The following KMT2A variants were observed in gnomAD, a reference collection of about 807,000 sequenced individuals.
KMT2A encodes lysine methyltransferase 2A, also known as histone-lysine N-methyltransferase 2A.
KMT2A carries 16 observed loss-of-function variants against 345.3 expected under a neutral mutation model. The ratio of observed to expected loss-of-function variants is 0.05; its 90% confidence interval spans 0.03 to 0.07. The LOEUF (loss-of-function observed/expected upper bound fraction) is 0.07, where lower values mean the gene tolerates loss of function less well. KMT2A is among the 10% of genes least tolerant of loss of function. The pLI is 1.00. For synonymous variants in KMT2A, 1,599 were observed against 1,778.6 expected, an observed-to-expected ratio of 0.90 and a Z score of 2.54; for missense variants, 3,272 against 4,841.6, an observed-to-expected ratio of 0.68 and a Z score of 9.62.
In KMT2A at chr11:118,494,537, T is replaced by C; in HGVS notation, c.5289+139T>C. 1.2e-6 allele frequency: 1 copy of C among 831,558 alleles called. No individual in the cohort carries two copies. The highest frequency in any genetic ancestry group is 1.7e-5 in the South Asian group (1 of 59,678). 51.5% of individuals were successfully genotyped at this position (831,558 alleles called of 1,614,324 possible). On this transcript the variant is annotated intron_variant, in intron 17 of 35. Coordinates refer to ENST00000534358, the MANE Select transcript of KMT2A (RefSeq NM_001197104.2). This position sits in a 1 kb window ranked among gnomAD's most constrained non-coding sequence, Gnocchi z 5.8. The stretch of plus-strand genomic sequence containing the variant: ...TTGGTTTAATTTGATCCCCTGATTC[T>C]TTGAGAGGAACTTGGTGAGGTTGCC...
In KMT2A at chr11:118,474,023, C is replaced by G. The variant is rs1555036780; in HGVS notation, c.2864C>G (p.Ala955Gly). The G allele has an allele frequency of 1.2e-6, 2 of 1,613,620 alleles. No homozygotes were observed. The highest frequency in any genetic ancestry group is 1.7e-6 in the Non-Finnish European group (2 of 1,179,900). Residue 955 changes from alanine to glycine, a missense_variant, in exon 3 of 36, where the codon GCT becomes GGT. Coordinates refer to ENST00000534358, the MANE Select transcript of KMT2A (RefSeq NM_001197104.2). ...ITSVTLGDTT[A>G]VKTKILIKKG... ...TCTGTGACTCTTGGGGATACAACAG[C>G]TGTCAAAACCAAAATACTTATAAAG...
intron 1 of KMT2A, among the ~76,000 whole-genome samples, chr11:118,456,772 G>A (rs572129912): frequency 4.1e-4 from 62 of 152,276 alleles, no homozygotes; most frequent in African/African-American, 1.4e-3. Context: ...CATTGAGTCA[G>A]ATGTGTTTTC....
At position 118,488,867 on chromosome 11, in the gene KMT2A, G is replaced by T. The variant is rs1048664265; in HGVS notation, c.4479+107G>T. ...GAATGTATCTGGGAAAAAATGAGTA[G>T]TTGCCTCTGTACTCTATGTGAACAG... is the stretch of plus-strand genomic sequence containing the variant. On this transcript the variant is annotated intron_variant, in intron 11 of 35. Transcript: ENST00000534358. The T allele has an allele frequency of 3.2e-5, 30 of 935,652 alleles. No individual in the cohort carries two copies. The African/African-American group carries it at 5.0e-4, about 16-fold the overall frequency. 58.0% of individuals were successfully genotyped at this position (935,652 alleles called of 1,614,324 possible). A position where few individuals can be genotyped will look rare whatever the true frequency, so the allele number is the denominator to read the frequency against.
rs1306214776 is a variant in KMT2A at position 118,523,486 on chromosome 11, A to G, written c.*1314A>G. 4 of 224,320 alleles carry G rather than the reference A, an allele frequency of 1.8e-5. No homozygotes were observed. Among genetic ancestry groups the G allele is most frequent in the African/African-American group, 6.7e-5 (3 of 44,828 alleles). The allele number at this position is 224,320 out of a possible 1,614,324, so 13.9% of individuals were successfully genotyped here. A position where few individuals can be genotyped will look rare whatever the true frequency, so the allele number is the denominator to read the frequency against. Reference sequence around the variant, plus strand: ...AATGTTTCTTCTCTTCCTTTCCCCAAGACAGAGTCCTGAACCTGTTAAATT... The same window carrying G: ...AATGTTTCTTCTCTTCCTTTCCCCAGGACAGAGTCCTGAACCTGTTAAATT... On this transcript the variant is annotated 3_prime_UTR_variant, in exon 36 of 36. Transcript: ENST00000534358.
At position 118,490,548 on chromosome 11, in the gene KMT2A, G is replaced by A. The variant is rs572121925; in HGVS notation, c.4696+299G>A. On this transcript the variant is annotated intron_variant, in intron 13 of 35. Coordinates refer to ENST00000534358, the MANE Select transcript of KMT2A (RefSeq NM_001197104.2). This position sits in a 1 kb window ranked among gnomAD's most constrained non-coding sequence, Gnocchi z 4.2. Reference sequence around the variant, plus strand: ...GATTATTTCAGACATTATTTTAGTTGCTACCCAAACATTTTCTTTCAGTAG... The same window carrying A: ...GATTATTTCAGACATTATTTTAGTTACTACCCAAACATTTTCTTTCAGTAG... Among the ~76,000 whole-genome samples, 18 of 151,864 alleles carry A rather than the reference G, an allele frequency of 1.2e-4. No individual in the cohort carries two copies. The highest frequency in any genetic ancestry group is 2.4e-4 in the Non-Finnish European group (16 of 67,988).
chr11:118,468,869 C>A, intron 2 of KMT2A, 25 bp downstream of exon 2: 3 of 1,591,930 alleles, frequency 1.9e-6, no homozygotes, highest in Non-Finnish European at 1.7e-6. Context: ...GTGCATGGTG[C>A]CTTTTAAGTT....
chr11:118,499,485 G>A (rs1950464263), intron 23 of KMT2A, 65 bp downstream of exon 23: 2 of 1,053,948 alleles, frequency 1.9e-6, no homozygotes, highest in Non-Finnish European at 3.0e-6. Flanking sequence ...CTGGTCCTCA[G>A]TTATAAAATG....
chr11:118,517,811 G>T (rs1555052031), intron 31 of KMT2A, among the ~76,000 whole-genome samples: 2 of 152,216 alleles, frequency 1.3e-5, no homozygotes, highest in Admixed American at 6.5e-5. Context: ...CTGCACTCCA[G>T]CCTGGGCAAC....
chr11:118,505,430 A>G lies in KMT2A; in HGVS notation c.9538A>G (p.Ile3180Val). ...TACTCAAAGTAGTTTCCCACCAAAC[A>G]TCAGCAATCCTCCTTCAGGCCTGCT... ...AATQSSFPPN[I>V]SNPPSGLLIG... Residue 3180 changes from isoleucine to valine, a missense_variant, in exon 27 of 36, where the codon ATC (isoleucine) becomes GTC (valine). Physicochemically the swap from Ile to Val is conservative, Grantham distance 29. Around this residue, in one of 27 missense-constraint regions of KMT2A, gnomAD observed 748 missense variants for 922.2 expected, o/e 0.81. Coordinates refer to ENST00000534358, the MANE Select transcript of KMT2A (RefSeq NM_001197104.2). The surrounding 1 kb of genome is among the most constrained non-coding windows in gnomAD (Gnocchi z 4.6). The G allele has an allele frequency of 1.2e-6, 2 of 1,614,194 alleles. No homozygotes were observed. The highest frequency in any genetic ancestry group is 1.7e-6 in the Non-Finnish European group (2 of 1,180,030).
rs1180175783 is a variant in KMT2A, at chr11:118,499,450, G to C, written c.6079+30G>C. On this transcript the variant is annotated intron_variant, in intron 23 of 35. Transcript: ENST00000534358. ...GACCTAGCCTTGGTTATTGGGGAAG[G>C]CTGTATATATCATTGGGGAAATTTC... The C allele has an allele frequency of 3.7e-6, 5 of 1,354,602 alleles. No homozygotes were observed. The East Asian group carries it at 9.2e-5, about 25-fold the overall frequency. 83.9% of individuals were successfully genotyped at this position (1,354,602 alleles called of 1,614,324 possible).
chr11:118,481,334 G>A (rs1555039109), intron 6 of KMT2A, among the ~76,000 whole-genome samples: 1 of 152,072 alleles, frequency 6.6e-6, no homozygotes, highest in Middle Eastern at 3.2e-3. Flanking sequence ...TCCCACAAAT[G>A]AGTGAGAGCA....
At position 118,488,594 on chromosome 11, in the gene KMT2A, T is replaced by G. The variant is rs782556267; in HGVS notation, c.4333-20T>G. The G allele has an allele frequency of 1.3e-5, 21 of 1,612,378 alleles. No homozygotes were observed. In the East Asian group the frequency reaches 4.7e-4, roughly 36 times the overall value. On this transcript the variant is annotated intron_variant, in intron 10 of 35. Transcript: ENST00000534358. ...ACATATTATTTGACATACTTCTATC[T>G]TCCCATGTTCTTACTATAGTTTGTG...
At chr11:118,512,383 T>C (rs1950707206) in intron 31 of KMT2A, 1 of 241,898 alleles carries the variant, frequency 4.1e-6, no homozygotes, top group South Asian at 8.4e-5. Flanking sequence ...AATCAGACAA[T>C]ATGTAGCCTT....
In KMT2A at chr11:118,495,005, C is replaced by T. The variant is rs1223105463; in HGVS notation, c.5363+238C>T. ...GCTTGGTTTAATTGTGACAAATGTA[C>T]AATACATGTGTGGTACAGCCATGTA... On this transcript the variant is annotated intron_variant, in intron 18 of 35. Transcript: ENST00000534358. The surrounding 1 kb of genome is among the most constrained non-coding windows in gnomAD (Gnocchi z 4.1). 6.6e-6 allele frequency among the ~76,000 whole-genome samples: 1 copy of T among 152,112 alleles called. No homozygotes were observed. Among genetic ancestry groups the T allele is most frequent in the Non-Finnish European group, 1.5e-5 (1 of 68,018 alleles).
intron 1 of KMT2A, among the ~76,000 whole-genome samples, chr11:118,437,675 T>TCC (rs145193113): frequency 5.3e-4 from 76 of 144,080 alleles, no homozygotes; most frequent in Admixed American, 6.9e-4. Context: ...AGCAGTCTCT[T>TCC]CCCCCCCCCG....
intron 1 of KMT2A, among the ~76,000 whole-genome samples, chr11:118,467,589 C>T (rs1298058937): frequency 6.6e-6 from 1 of 152,122 alleles, no homozygotes; most frequent in East Asian, 1.9e-4. Context: ...AGAGATGAAC[C>T]TGCTAATTTG....
intron 1 of KMT2A, among the ~76,000 whole-genome samples, chr11:118,462,393 G>A (rs1555032959): frequency 6.6e-6 from 1 of 152,120 alleles, no homozygotes; most frequent in Non-Finnish European, 1.5e-5. Flanking sequence ...GAAGACTGGA[G>A]CTCTTTAACA....
chr11:118,465,124 C>T (rs1321971846), intron 1 of KMT2A, among the ~76,000 whole-genome samples: 1 of 151,990 alleles, frequency 6.6e-6, no homozygotes, highest in African/African-American at 2.4e-5. Context: ...ATGAAGGAGG[C>T]GGAGCATCTA....
intron 1 of KMT2A, among the ~76,000 whole-genome samples, chr11:118,439,939 T>C (rs547734820): frequency 2.6e-5 from 4 of 152,168 alleles, no homozygotes; most frequent in African/African-American, 9.6e-5. Context: ...TTTTTTTTTT[T>C]TAACATAGCC....
Sources: allele counts gnomAD v4.1 joint callset (sites outside exome capture counted in the v4.1 genomes callset), GRCh38; gene constraint gnomAD v4.1.1; regional missense constraint gnomAD v4.1.1; non-coding constraint Gnocchi (gnomAD v3.1); transcripts MANE v1.5; gene names NCBI Gene and HGNC (gene_info 2026-07-23, HGNC 2026-07-21).